PIEZO2: variants seen among roughly 807,000 people sequenced by gnomAD.
PIEZO2 encodes the protein piezo type mechanosensitive ion channel component 2.
A neutral mutation model predicts 337.3 loss-of-function variants in PIEZO2; 172 were observed. That is an observed-to-expected ratio of 0.51 (90% confidence interval 0.45 to 0.58). The LOEUF is 0.58. PIEZO2 is among the 20% of genes least tolerant of loss of function. The pLI is 0.00. For missense variants in PIEZO2, 3,028 were observed against 3,391.3 expected (o/e 0.89, Z 2.66); for synonymous variants, 1,251 against 1,228.5 (o/e 1.02, Z -0.38).
At chr18:11,084,949 C>G (rs1233021602) in intron 1 of PIEZO2, among the ~76,000 whole-genome samples, 1 of 152,242 alleles carries the variant, frequency 6.6e-6, no homozygotes, top group Admixed American at 6.5e-5. Context: ...CACCATTTGG[C>G]TCTTTGGTTC....
rs114940634 is a variant in PIEZO2 at position 10,985,077 on chromosome 18, C to T, written c.161-5417G>A. On this transcript the variant is annotated intron_variant, in intron 2 of 55. Coordinates refer to ENST00000674853, the MANE Select transcript of PIEZO2 (RefSeq NM_001378183.1). ...ACCACTAGAACTGCCCTATAAGAAA[C>T]GCAAAAGGGATTTCTTCAAAATGAA... Among the ~76,000 whole-genome samples, 456 of 152,006 alleles carry T rather than the reference C, an allele frequency of 3.0e-3. 2 individuals are homozygous for T. Among genetic ancestry groups the T allele is most frequent in the African/African-American group, 0.01 (426 of 41,494 alleles).
chr18:10,705,219 T>C (rs2035525518), intron 41 of PIEZO2, 117 bp downstream of exon 41: 2 of 1,289,458 alleles, frequency 1.6e-6, no homozygotes, highest in Non-Finnish European at 2.1e-6. Context: ...GTCTGTTTGC[T>C]CTAAGTGTCC....
Position 11,092,411 on chromosome 18 carries a change from C to T in PIEZO2, c.65-26189G>A, listed in dbSNP as rs2039120711. On this transcript the variant is annotated intron_variant, in intron 1 of 55. Coordinates refer to ENST00000674853, the MANE Select transcript of PIEZO2 (RefSeq NM_001378183.1). The surrounding 1 kb of genome is among the most constrained non-coding windows in gnomAD (Gnocchi z 4.5). ...TTTATTAAGATATGTGAAATGATAT[C>T]TCATATTTGTTTGAAAAAAGCTATA... is the stretch of plus-strand genomic sequence containing the variant. Among the ~76,000 whole-genome samples, 1 of 151,748 alleles carries T rather than the reference C, an allele frequency of 6.6e-6. No individual in the cohort carries two copies. The highest frequency in any genetic ancestry group is 2.4e-5 in the African/African-American group (1 of 41,134).
intron 21 of PIEZO2, chr18:10,763,313 A>C (rs943637376): frequency 1.8e-6 from 1 of 571,064 alleles, no homozygotes; most frequent in Non-Finnish European, 3.1e-6. Context: ...GCAGACAGAC[A>C]TATCATCAGG....
At chr18:10,710,388 C>G (rs940237286) in intron 39 of PIEZO2, among the ~76,000 whole-genome samples, 37 of 152,178 alleles carry the variant, frequency 2.4e-4, no homozygotes, top group South Asian at 4.1e-4. Context: ...ACGGGCCCCC[C>G]CACTGCCAGC....
rs961377144 is a variant in PIEZO2, at chr18:10,794,709, C to T, written c.1758+63G>A. On this transcript the variant is annotated intron_variant, in intron 13 of 55. Transcript: ENST00000674853. The surrounding 1 kb of genome is among the most constrained non-coding windows in gnomAD (Gnocchi z 6.6). ...GTTTTTATAAGGTTTCTCTTGGATA[C>T]GATTATGATGATGATTGTGGTTTTG... The T allele has an allele frequency of 8.9e-6, 11 of 1,229,200 alleles. No homozygotes were observed. The highest frequency in any genetic ancestry group is 2.5e-5 in the East Asian group (1 of 39,286). 76.1% of individuals were successfully genotyped at this position (1,229,200 alleles called of 1,614,324 possible). A position where few individuals can be genotyped will look rare whatever the true frequency, so the allele number is the denominator to read the frequency against.
At chr18:11,117,363 A>C (rs138269563) in intron 1 of PIEZO2, among the ~76,000 whole-genome samples, 358 of 152,350 alleles carry the variant, frequency 2.3e-3, no homozygotes, top group Non-Finnish European at 4.3e-3. Flanking sequence ...AACCAGCACC[A>C]GGGATGTACC....
Position 10,724,587 on chromosome 18 carries a change from T to A in PIEZO2, c.5030-6328A>T. 1 of 592,336 alleles carries A rather than the reference T, an allele frequency of 1.7e-6. No individual in the cohort carries two copies. The highest frequency in any genetic ancestry group is 3.1e-6 in the Non-Finnish European group (1 of 326,626). 36.7% of individuals were successfully genotyped at this position (592,336 alleles called of 1,614,324 possible). ...AAGTCGACAGTGTGGGGAGTTGGAG[T>A]GACCCAGCTGGATGTGACCCCCAAG... On this transcript the variant is annotated intron_variant, in intron 36 of 55. Transcript: ENST00000674853. This position sits in a 1 kb window ranked among gnomAD's most constrained non-coding sequence, Gnocchi z 5.8.
rs1239992024 is a variant in PIEZO2, at chr18:10,834,796, G to A, written c.917+20557C>T. On this transcript the variant is annotated intron_variant, in intron 7 of 55. Transcript: ENST00000674853. This position sits in a 1 kb window ranked among gnomAD's most constrained non-coding sequence, Gnocchi z 4.5. ...AGCCTCAGAAAGGCTCTTCCTTTAA[G>A]TTTCTTCCCCGCTAGCTTTCACAAG... Among the ~76,000 whole-genome samples the A allele has an allele frequency of 1.3e-5, 2 of 152,152 alleles. No homozygotes were observed. Among genetic ancestry groups the A allele is most frequent in the Non-Finnish European group, 2.9e-5 (2 of 68,010 alleles).
chr18:11,139,499 G>T lies in PIEZO2; in HGVS notation c.64+9026C>A, dbSNP rs1053163016. Among the ~76,000 whole-genome samples the T allele has an allele frequency of 2.0e-5, 3 of 151,882 alleles. No individual in the cohort carries two copies. In the South Asian group the frequency reaches 6.3e-4, roughly 32 times the overall value. The stretch of plus-strand genomic sequence containing the variant: ...ATTATGACGCCCTAATAAATATATG[G>T]GCATCTAGATCATACCTGTACCCAC... On this transcript the variant is annotated intron_variant, in intron 1 of 55. Transcript: ENST00000674853.
At chr18:10,785,064 G>A (rs1026320552) in intron 16 of PIEZO2, 107 bp from the exon 17 acceptor site, 39 of 1,237,612 alleles carry the variant, frequency 3.2e-5, no homozygotes, top group East Asian at 7.7e-5. Flanking sequence ...CAGGTCTATC[G>A]TTTATTGAAT....
At chr18:10,756,586 TG>T (rs2037862294) in intron 27 of PIEZO2, among the ~76,000 whole-genome samples, 1 of 115,660 alleles carries the variant, frequency 8.6e-6, no homozygotes, top group African/African-American at 3.5e-5. Context: ...AGATAAAGGA[TG>T]AAAGATGAGG....
intron 3 of PIEZO2, among the ~76,000 whole-genome samples, chr18:10,936,836 C>T (rs945973241): frequency 1.3e-5 from 2 of 152,206 alleles, no homozygotes; most frequent in African/African-American, 4.8e-5. Context: ...CCAACAAGTG[C>T]TCCTTCCAGT....
chr18:11,024,869 T>A (rs1001332149), intron 2 of PIEZO2, among the ~76,000 whole-genome samples: 6 of 151,864 alleles, frequency 4.0e-5, no homozygotes, highest in Non-Finnish European at 8.8e-5. Context: ...GAACTCCTGA[T>A]CTTAGGTGAT....
chr18:10,763,740 G>A (rs1462515572), intron 21 of PIEZO2, among the ~76,000 whole-genome samples: 1 of 152,204 alleles, frequency 6.6e-6, no homozygotes, highest in Non-Finnish European at 1.5e-5. Context: ...GCTTCCTATT[G>A]AGATAAATGT....
chr18:10,921,293 G>C (rs146176582), intron 3 of PIEZO2, among the ~76,000 whole-genome samples: 25 of 152,276 alleles, frequency 1.6e-4, no homozygotes, highest in African/African-American at 5.8e-4. Context: ...CTTCTCTGTT[G>C]TGGGAAGTTA....
intron 2 of PIEZO2, among the ~76,000 whole-genome samples, chr18:11,053,079 C>T (rs1041282089): frequency 2.6e-5 from 4 of 152,198 alleles, no homozygotes; most frequent in African/African-American, 9.6e-5. Context: ...ACATGAAACT[C>T]AGTCTTTGTC....
intron 3 of PIEZO2, among the ~76,000 whole-genome samples, chr18:10,917,746 C>T (rs565962267): frequency 6.6e-6 from 1 of 152,258 alleles, no homozygotes; most frequent in South Asian, 2.1e-4. Flanking sequence ...TTTTTGCCAG[C>T]ATATTCCTAT....
chr18:10,818,085 A>G (rs2040416740), intron 7 of PIEZO2, among the ~76,000 whole-genome samples: 1 of 152,180 alleles, frequency 6.6e-6, no homozygotes, highest in East Asian at 1.9e-4. Context: ...AAAAAAATAC[A>G]GATAAATAGA....
Sources: gnomAD v4.1 joint callset for allele counts (sites outside exome capture counted in the v4.1 genomes callset) on GRCh38, gnomAD v4.1.1 for gene constraint, Gnocchi (gnomAD v3.1) non-coding constraint, MANE v1.5 for transcripts, NCBI Gene and HGNC (gene_info 2026-07-23, HGNC 2026-07-21) for gene names.